The following WDPCP variants were observed in gnomAD, a reference collection of about 807,000 sequenced individuals.
WDPCP encodes the protein WD repeat-containing and planar cell polarity effector protein fritz homolog.
In WDPCP, 71 loss-of-function variants were observed where a neutral mutation model predicts 93.1. The ratio of observed to expected loss-of-function variants is 0.76; its 90% CI spans 0.63 to 0.93. WDPCP has a LOEUF of 0.93. WDPCP is among the 40% of genes least tolerant of loss of function. The pLI is 0.00. For missense variants in WDPCP, 844 were observed against 887.4 expected, an observed-to-expected ratio of 0.95 and a Z score of 0.62; for synonymous variants, 315 against 315.0, an observed-to-expected ratio of 1.00 and a Z score of 0.00.
chr2:63,174,873 A>G, intron 14 of WDPCP, 41 bp from the exon 15 acceptor site: 1 of 1,593,578 alleles, frequency 6.3e-7, no homozygotes, highest in Non-Finnish European at 8.6e-7. Flanking sequence ...TACTAAGTAC[A>G]ATTTCTGCTA....
At chr2:63,270,214 A>T (rs540914421) in intron 13 of WDPCP, among the ~76,000 whole-genome samples, 3 of 152,344 alleles carry the variant, frequency 2.0e-5, no homozygotes, top group African/African-American at 7.2e-5. Context: ...TTAAAAGTGA[A>T]AATATATGGA....
intron 11 of WDPCP, among the ~76,000 whole-genome samples, chr2:63,379,335 C>G (rs1692112625): frequency 6.6e-6 from 1 of 152,028 alleles, no homozygotes; most frequent in South Asian, 2.1e-4. Flanking sequence ...ATAAACAATT[C>G]CTTATTTAGC....
At chr2:63,251,289 A>T (rs1160426347) in intron 14 of WDPCP, among the ~76,000 whole-genome samples, 8 of 152,140 alleles carry the variant, frequency 5.3e-5, no homozygotes, top group Non-Finnish European at 1.0e-4. Flanking sequence ...AGGTAATATT[A>T]TCAGTGATCC....
intron 2 of WDPCP, among the ~76,000 whole-genome samples, chr2:63,743,055 T>G (rs1022830991): frequency 4.6e-5 from 7 of 152,052 alleles, no homozygotes; most frequent in Non-Finnish European, 2.9e-5. Context: ...ATTGTTTGTA[T>G]TTTCATGTTA....
At chr2:63,173,120 T>A (rs1412496413) in intron 15 of WDPCP, among the ~76,000 whole-genome samples, 1 of 151,722 alleles carries the variant, frequency 6.6e-6, no homozygotes, top group Non-Finnish European at 1.5e-5. Flanking sequence ...AATAAAAAAT[T>A]AGCAGGGCAC....
Position 63,487,461 on chromosome 2 carries a change from T to G in WDPCP, c.194A>C (p.Lys65Thr). Residue 65 changes from lysine to threonine, a missense_variant, in exon 3 of 18, where the codon AAG becomes ACG. Lys to Thr is a moderately conservative substitution (Grantham distance 78). Coordinates refer to ENST00000272321, the MANE Select transcript of WDPCP (RefSeq NM_015910.7). Reference protein sequence around the residue: ...RDIGIYQYYDKKDPPATEHGN... With the variant: ...RDIGIYQYYDTKDPPATEHGN... ...AGGTACTTTACCTGGTGGATCTTTCTTGTCATAATACTGGTAGATCCCAAT... is the reference window on the plus strand; with the variant it reads ...AGGTACTTTACCTGGTGGATCTTTCGTGTCATAATACTGGTAGATCCCAAT... 1 of 1,593,208 alleles carries G rather than the reference T, an allele frequency of 6.3e-7. No individual in the cohort carries two copies.
At chr2:63,387,532 A>T (rs1164475555) in intron 10 of WDPCP, among the ~76,000 whole-genome samples, 1 of 152,160 alleles carries the variant, frequency 6.6e-6, no homozygotes, top group African/African-American at 2.4e-5. Context: ...CACAGCCAAC[A>T]TCATACTGAA....
In WDPCP at chr2:63,575,506, C is replaced by CAGTATATAT. The variant is rs1558833407; in HGVS notation, c.75+12690_75+12691insATATATACT. Reference sequence around the variant, plus strand: ...GTATATATAGTATATACAGTATATACACTGTATATATAGTATATACAGTAT... The same window carrying CAGTATATAT: ...GTATATATAGTATATACAGTATATACAGTATATATACTGTATATATAGTATATACAGTAT... On this transcript the variant is annotated intron_variant, in intron 1 of 17. Coordinates refer to ENST00000272321, the MANE Select transcript of WDPCP (RefSeq NM_015910.7). Among the ~76,000 whole-genome samples, 7 of 79,152 alleles carry CAGTATATAT rather than the reference C, an allele frequency of 8.8e-5. 1 individual carries two copies. The highest frequency in any genetic ancestry group is 1.3e-4 in the Admixed American group (1 of 7,630). 51.9% of individuals were successfully genotyped at this position (79,152 alleles called of 152,430 possible).
chr2:63,348,634 T>G lies in WDPCP; in HGVS notation c.1748+29752A>C, dbSNP rs919739155. On this transcript the variant is annotated intron_variant, in intron 12 of 17. Coordinates refer to ENST00000272321, the MANE Select transcript of WDPCP (RefSeq NM_015910.7). Reference sequence around the variant, plus strand: ...TGTGCTTATATGGGTATTGATGATATAATGTTGCAAAATGACTACGGATAT... The same window carrying G: ...TGTGCTTATATGGGTATTGATGATAGAATGTTGCAAAATGACTACGGATAT... Among the ~76,000 whole-genome samples the G allele has an allele frequency of 2.6e-5, 4 of 152,268 alleles. No homozygotes were observed. The South Asian group carries it at 8.3e-4, about 32-fold the overall frequency.
At chr2:63,280,560 A>G (rs553863669) in intron 13 of WDPCP, among the ~76,000 whole-genome samples, 2 of 152,308 alleles carry the variant, frequency 1.3e-5, no homozygotes, top group South Asian at 2.1e-4. Flanking sequence ...GAAGCATCAC[A>G]TTACCCAACT....
intron 12 of WDPCP, among the ~76,000 whole-genome samples, chr2:63,351,069 C>T (rs1002326244): frequency 6.6e-6 from 1 of 152,026 alleles, no homozygotes; most frequent in Non-Finnish European, 1.5e-5. Context: ...GCAACCTCCA[C>T]CTCCTGGGTT....
At chr2:63,589,188 G>C (rs1709094435), upstream of WDPCP, 2 of 1,603,146 alleles carry the variant, frequency 1.2e-6, no homozygotes, top group Non-Finnish European at 1.7e-6. Context: ...TCATCTTCTG[G>C]GGATTGCCGC....
chr2:63,383,297 C>G (rs1489965424), intron 10 of WDPCP, among the ~76,000 whole-genome samples: 1 of 151,978 alleles, frequency 6.6e-6, no homozygotes, highest in Non-Finnish European at 1.5e-5. Flanking sequence ...AATTCTATAC[C>G]TTTATAAAAA....
At position 63,692,928 on chromosome 2, in the gene WDPCP, G is replaced by A. The variant is rs1486748597; in HGVS notation, n.309-42090C>T. Reference sequence around the variant, plus strand: ...ATTCAACTAACATTTATTGAGCACTGGCTATGTGCTACATAAGCAAGCTGT... The same window carrying A: ...ATTCAACTAACATTTATTGAGCACTAGCTATGTGCTACATAAGCAAGCTGT... On this transcript the variant is annotated intron_variant and non_coding_transcript_variant, in intron 2 of 4. Transcript: ENST00000467687. Among the ~76,000 whole-genome samples, 5 of 152,086 alleles carry A rather than the reference G, an allele frequency of 3.3e-5. No individual in the cohort carries two copies. The East Asian group carries it at 9.6e-4, about 29-fold the overall frequency.
At chr2:63,131,043 T>C (rs1670259753) in intron 17 of WDPCP, among the ~76,000 whole-genome samples, 1 of 152,186 alleles carries the variant, frequency 6.6e-6, no homozygotes, top group Admixed American at 6.5e-5. Flanking sequence ...TTACATGAAA[T>C]ATTTTTTCCA....
intron 2 of WDPCP, among the ~76,000 whole-genome samples, chr2:63,712,876 T>C (rs1425754327): frequency 6.6e-6 from 1 of 152,180 alleles, no homozygotes; most frequent in African/African-American, 2.4e-5. Context: ...CCTGATGTCA[T>C]CTTCTCCAAG....
intron 13 of WDPCP, among the ~76,000 whole-genome samples, chr2:63,293,483 G>A (rs1684597873): frequency 6.6e-6 from 1 of 151,914 alleles, no homozygotes; most frequent in African/African-American, 2.4e-5. Context: ...AAAAAATCAT[G>A]AGGCATATAA....
Position 63,643,786 on chromosome 2 carries a change from A to T in WDPCP, n.488+6873T>A, listed in dbSNP as rs1291070649. On this transcript the variant is annotated intron_variant and non_coding_transcript_variant, in intron 3 of 4. Coordinates refer to the WDPCP transcript ENST00000467687. ...AGTCTTGTCAATGCTGATGACATCCATGAATCCAAGCAGGGTAGGTTACAT... is the reference window on the plus strand; with the variant it reads ...AGTCTTGTCAATGCTGATGACATCCTTGAATCCAAGCAGGGTAGGTTACAT... 5.6e-6 allele frequency: 3 copies of T among 539,402 alleles called. No homozygotes were observed. The Admixed American group carries it at 5.8e-5, about 10-fold the overall frequency. 33.4% of individuals were successfully genotyped at this position (539,402 alleles called of 1,614,324 possible). A position where few individuals can be genotyped will look rare whatever the true frequency, so the allele number is the denominator to read the frequency against.
chr2:63,797,675 C>T (rs1340332747), intron 2 of WDPCP, among the ~76,000 whole-genome samples: 3 of 151,764 alleles, frequency 2.0e-5, no homozygotes, highest in Non-Finnish European at 4.4e-5. Context: ...AGCACACCTA[C>T]AAAATCTAGA....
Sources: gnomAD v4.1 joint callset for allele counts (sites outside exome capture counted in the v4.1 genomes callset) on GRCh38, gnomAD v4.1.1 for gene constraint, MANE v1.5 for transcripts, NCBI Gene and HGNC (gene_info 2026-07-23, HGNC 2026-07-21) for gene names.